Variants in SCARA3 observed in about 807,000 individuals in gnomAD.
SCARA3 encodes scavenger receptor class A member 3.
A neutral mutation model predicts 47.0 loss-of-function variants in SCARA3; 39 were observed. The ratio of observed to expected loss-of-function variants is 0.83; its 90% CI spans 0.64 to 1.08. The LOEUF is 1.08. SCARA3 is among the 50% of genes least tolerant of loss of function. SCARA3 has a pLI of 0.00. For synonymous variants in SCARA3, 356 were observed against 334.1 expected (o/e 1.07, Z -0.71); for missense variants, 724 against 792.3 (o/e 0.91, Z 1.04).
At chr8:27,694,506 C>T in the SCARA3 span, among the ~76,000 whole-genome samples, 1 of 151,872 alleles carries the variant, frequency 6.6e-6, no homozygotes, top group African/African-American at 2.4e-5. Context: ...TTTTAAAATA[C>T]AGTAATGACA....
Position 27,659,676 on chromosome 8 carries a change from G to A in SCARA3, c.1369+137G>A, listed in dbSNP as rs117975925. The A allele has an allele frequency of 1.6e-3, 1,109 of 714,588 alleles. 6 individuals carry two copies. The highest frequency in any genetic ancestry group is 0.015 in the East Asian group (536 of 36,648). The allele number at this position is 714,588 out of a possible 1,614,324, so 44.3% of individuals were successfully genotyped here. On this transcript the variant is annotated intron_variant, in intron 5 of 5. Coordinates refer to ENST00000301904, the MANE Select transcript of SCARA3 (RefSeq NM_016240.3). Reference sequence around the variant, plus strand: ...CCTATAGCAAATGCCTACAGCAGTCGGCAGCTTTAAGAAATGTCCTTGCAT... The same window carrying A: ...CCTATAGCAAATGCCTACAGCAGTCAGCAGCTTTAAGAAATGTCCTTGCAT...
chr8:27,698,902 T>C, the SCARA3 span, among the ~76,000 whole-genome samples: 4 of 149,982 alleles, frequency 2.7e-5, no homozygotes, highest in African/African-American at 1.0e-4. Context: ...TATCTATCTG[T>C]CTATCTATAT....
Position 27,659,421 on chromosome 8 carries a change from C to CAA in SCARA3, c.1252_1253insAA (p.Ser418LysfsTer17). 1 of 1,613,824 alleles carries CAA rather than the reference C, an allele frequency of 6.2e-7. No individual in the cohort carries two copies. Among genetic ancestry groups the CAA allele is most frequent in the Non-Finnish European group, 8.5e-7 (1 of 1,179,854 alleles). On this transcript the variant is annotated frameshift_variant, in exon 5 of 6. Transcript: ENST00000301904. LOFTEE classifies it high-confidence loss of function. ...CCACAGACCTGCTCCGGGAGCGCTT[C>CAA]AGCCTGCTCAGTGCCCGGCTGGACC...
Position 27,663,833 on chromosome 8 carries a change from A to G in SCARA3, c.1369+4294A>G, listed in dbSNP as rs199639653. 2.0e-4 allele frequency among the ~76,000 whole-genome samples: 31 copies of G among 152,346 alleles called. No homozygotes were observed. The East Asian group carries it at 5.0e-3, about 25-fold the overall frequency. On this transcript the variant is annotated intron_variant, in intron 5 of 5. Coordinates refer to ENST00000301904, the MANE Select transcript of SCARA3 (RefSeq NM_016240.3). The stretch of plus-strand genomic sequence containing the variant: ...TGGCCCAGGCAGCAAAGCAGCTTGC[A>G]TGGCAGCCTGGACCTGTGGCAGAGC...
chr8:27,639,720 G>A (rs144061657), intron 1 of SCARA3, among the ~76,000 whole-genome samples: 790 of 152,326 alleles, frequency 5.2e-3, no homozygotes, highest in African/African-American at 0.018. Context: ...TCTACTTTTA[G>A]AGAGTGGGAG....
chr8:27,687,912 A>G, the SCARA3 span, among the ~76,000 whole-genome samples: 1 of 152,122 alleles, frequency 6.6e-6, no homozygotes, highest in African/African-American at 2.4e-5. Flanking sequence ...GCTGCTCAGG[A>G]GGCTGAGGTG....
the SCARA3 span, among the ~76,000 whole-genome samples, chr8:27,721,913 C>T: frequency 2.6e-5 from 4 of 151,988 alleles, no homozygotes; most frequent in Admixed American, 6.6e-5. Flanking sequence ...GAGATGCCGT[C>T]GCTACAAAAA....
At chr8:27,673,056 G>A (rs1288713854), downstream of SCARA3, 42 of 946,440 alleles carry the variant, frequency 4.4e-5, no homozygotes, top group Non-Finnish European at 5.2e-5. Flanking sequence ...TGACTTGGGG[G>A]CATGATGCCT....
chr8:27,727,075 C>A, the SCARA3 span, among the ~76,000 whole-genome samples: 1 of 152,106 alleles, frequency 6.6e-6, no homozygotes, highest in Admixed American at 6.5e-5. Flanking sequence ...CGCGCCCAGC[C>A]GACAGCATTT....
chr8:27,732,608 G>A, the SCARA3 span, among the ~76,000 whole-genome samples: 1 of 152,188 alleles, frequency 6.6e-6, no homozygotes. Context: ...AAGTCACCTA[G>A]TATATACACA....
the SCARA3 span, among the ~76,000 whole-genome samples, chr8:27,723,199 C>T: frequency 2.0e-5 from 3 of 152,166 alleles, no homozygotes; most frequent in African/African-American, 7.2e-5. Context: ...AGCCCCTCAG[C>T]CCCTCTGATG....
At chr8:27,708,920 G>A in the SCARA3 span, among the ~76,000 whole-genome samples, 1 of 152,086 alleles carries the variant, frequency 6.6e-6, no homozygotes, top group Non-Finnish European at 1.5e-5. Context: ...TACAGTGTGT[G>A]GAAGTCTCTA....
the SCARA3 span, among the ~76,000 whole-genome samples, chr8:27,709,275 T>C: frequency 1.3e-5 from 2 of 152,088 alleles, no homozygotes; most frequent in South Asian, 2.1e-4. Context: ...ACCTGAGGGA[T>C]TTTTACAAGA....
At chr8:27,690,569 G>A in the SCARA3 span, among the ~76,000 whole-genome samples, 1 of 152,104 alleles carries the variant, frequency 6.6e-6, no homozygotes, top group African/African-American at 2.4e-5. Context: ...CTGTTAAAAA[G>A]TAATAAGACA....
intron 1 of SCARA3, among the ~76,000 whole-genome samples, chr8:27,637,934 G>T (rs35563575): frequency 0.02 from 3,055 of 152,132 alleles, 129 homozygotes; most frequent in African/African-American, 0.071. Context: ...GCCAGGGCTA[G>T]AAGAAAAGGA....
the SCARA3 span, among the ~76,000 whole-genome samples, chr8:27,715,846 A>G: frequency 1.2e-3 from 170 of 145,076 alleles, no homozygotes; most frequent in Middle Eastern, 7.1e-3. This position sits in a 1 kb window ranked among gnomAD's most constrained non-coding sequence, Gnocchi z 4.2. Flanking sequence ...AGATAGATAG[A>G]TAGATAGATA....
intron 1 of SCARA3, among the ~76,000 whole-genome samples, chr8:27,642,142 C>T (rs1003354295): frequency 6.6e-6 from 1 of 152,106 alleles, no homozygotes; most frequent in Non-Finnish European, 1.5e-5. Flanking sequence ...TCCACACTTA[C>T]TTGATCAAAT....
the SCARA3 span, among the ~76,000 whole-genome samples, chr8:27,714,810 A>G: frequency 1.3e-5 from 2 of 152,242 alleles, no homozygotes; most frequent in African/African-American, 4.8e-5. Flanking sequence ...TGAAAATAAA[A>G]AACAGTATTG....
chr8:27,643,567 C>T (rs1039693684), intron 1 of SCARA3, among the ~76,000 whole-genome samples: 2 of 152,138 alleles, frequency 1.3e-5, no homozygotes, highest in African/African-American at 4.8e-5. Context: ...GGGGTAGTGG[C>T]GGAAGGGCTC....
Sources: allele counts gnomAD v4.1 joint callset (sites outside exome capture counted in the v4.1 genomes callset), GRCh38; gene constraint gnomAD v4.1.1; non-coding constraint Gnocchi (gnomAD v3.1); transcripts MANE v1.5; gene names NCBI Gene and HGNC (gene_info 2026-07-23, HGNC 2026-07-21).